Variants in SIK2 observed in about 807,000 individuals in gnomAD.
SIK2 encodes the protein salt inducible kinase 2.
SIK2 carries 29 observed loss-of-function variants against 103.2 expected under a neutral mutation model. The ratio of observed to expected loss-of-function variants is 0.28; its 90% CI spans 0.21 to 0.38. The LOEUF (loss-of-function observed/expected upper bound fraction) is 0.38. Ranked by LOEUF, SIK2 falls within the 10% of genes least tolerant of loss-of-function variation. The probability of loss-of-function intolerance (pLI) is 1.00; values close to 1 mark genes in which losing one functional copy is unlikely to be tolerated. For synonymous variants in SIK2, 412 were observed against 446.1 expected (o/e 0.92, Z 0.96); for missense variants, 879 against 1,171.0 (o/e 0.75, Z 3.64).
rs778349552 is a variant in SIK2 at position 111,712,271 on chromosome 11, G to A, written c.1162G>A (p.Ala388Thr). Residue 388 changes from alanine (A) to threonine (T), a missense_variant, in exon 9 of 15, where the codon GCC becomes ACC. Ala to Thr is a moderately conservative substitution (Grantham distance 58, BLOSUM62 0). Transcript: ENST00000304987. ...HSPNMRLLRS[A>T]LLPQASNVEA... ...ACCGAACATGAGGCTGCTGCGATCTGCCCTCCTCCCCCAGGCATCCAACGT... is the reference window on the plus strand; with the variant it reads ...ACCGAACATGAGGCTGCTGCGATCTACCCTCCTCCCCCAGGCATCCAACGT... 1 of 1,614,178 alleles carries A rather than the reference G, an allele frequency of 6.2e-7. No individual in the cohort carries two copies. The highest frequency in any genetic ancestry group is 1.1e-5 in the South Asian group (1 of 91,082).
chr11:111,651,158 A>G lies in SIK2; in HGVS notation c.316+30756A>G, dbSNP rs542068604. ...ACTAAGGTAAAATTAACCAAAAGTA[A>G]TTTAAATTTCAGTTATTAGTGTAGC... On this transcript the variant is annotated intron_variant, in intron 3 of 14. Coordinates refer to ENST00000304987, the MANE Select transcript of SIK2 (RefSeq NM_015191.3). Among the ~76,000 whole-genome samples, 6 of 152,314 alleles carry G rather than the reference A, an allele frequency of 3.9e-5. No homozygotes were observed. In the South Asian group the frequency reaches 1.2e-3, roughly 32 times the overall value.
rs1227403017 is a variant in SIK2 at position 111,692,512 on chromosome 11, A to G, written c.478+4350A>G. On this transcript the variant is annotated intron_variant, in intron 4 of 14. Coordinates refer to ENST00000304987, the MANE Select transcript of SIK2 (RefSeq NM_015191.3). ...CGAATTGGAGTGGTAAGGAAACTGC[A>G]GGTATTAGCCAGTGAGAATGATAGG... is the stretch of plus-strand genomic sequence containing the variant. 2.0e-5 allele frequency among the ~76,000 whole-genome samples: 3 copies of G among 152,146 alleles called. No homozygotes were observed. The East Asian group carries it at 5.8e-4, about 29-fold the overall frequency.
At chr11:111,681,164 A>G (rs1379023403) in intron 3 of SIK2, among the ~76,000 whole-genome samples, 2 of 152,250 alleles carry the variant, frequency 1.3e-5, no homozygotes, top group Admixed American at 6.5e-5. Context: ...TAAGGAATGA[A>G]TGAAATCTCC....
chr11:111,710,127 G>A (rs1943457732), intron 8 of SIK2, among the ~76,000 whole-genome samples: 1 of 152,186 alleles, frequency 6.6e-6, no homozygotes, highest in Non-Finnish European at 1.5e-5. Context: ...GGGGTAAGAA[G>A]AATGTAGCAA....
chr11:111,626,795 T>G (rs1438271968), intron 3 of SIK2, among the ~76,000 whole-genome samples: 1 of 152,102 alleles, frequency 6.6e-6, no homozygotes, highest in Non-Finnish European at 1.5e-5. Context: ...CTGTACTCTG[T>G]TATCATGTAC....
At chr11:111,721,160 C>A (rs1565395482) in intron 12 of SIK2, 98 bp downstream of exon 12, 1 of 1,395,036 alleles carries the variant, frequency 7.2e-7, no homozygotes, top group Non-Finnish European at 9.6e-7. Context: ...TCCTCCAGTC[C>A]TGGAGCAAAC....
intron 1 of SIK2, among the ~76,000 whole-genome samples, chr11:111,609,867 G>A (rs1038073706): frequency 2.6e-5 from 4 of 152,138 alleles, no homozygotes; most frequent in African/African-American, 7.2e-5. Context: ...GCTGAAAGTT[G>A]TATTTATTTT....
In SIK2 at chr11:111,730,142, T is replaced by C. The variant is rs1256672561; in HGVS notation, c.*6013T>C. ...AAAGTAATAACAGACTTTGACTTAATACTCTGTCTTTTCAGAGGCAAAGTG... is the reference window on the plus strand; with the variant it reads ...AAAGTAATAACAGACTTTGACTTAACACTCTGTCTTTTCAGAGGCAAAGTG... On this transcript the variant is annotated 3_prime_UTR_variant, in exon 15 of 15. Coordinates refer to ENST00000304987, the MANE Select transcript of SIK2 (RefSeq NM_015191.3). 3.3e-5 allele frequency: 5 copies of C among 152,236 alleles called. No homozygotes were observed. The highest frequency in any genetic ancestry group is 7.3e-5 in the Non-Finnish European group (5 of 68,042). 9.4% of individuals were successfully genotyped at this position (152,236 alleles called of 1,614,324 possible). A position where few individuals can be genotyped will look rare whatever the true frequency, so the allele number is the denominator to read the frequency against.
At chr11:111,604,373 C>T (rs1183437519) in intron 1 of SIK2, among the ~76,000 whole-genome samples, 1 of 152,174 alleles carries the variant, frequency 6.6e-6, no homozygotes, top group African/African-American at 2.4e-5. Context: ...TGTAGTATAT[C>T]GTGTGGTTGA....
At chr11:111,603,338 A>G (rs539737996) in intron 1 of SIK2, among the ~76,000 whole-genome samples, 88 of 152,094 alleles carry the variant, frequency 5.8e-4, no homozygotes, top group African/African-American at 2.1e-3. Flanking sequence ...GGGCATTTCC[A>G]TTTAATGCCC....
intron 3 of SIK2, among the ~76,000 whole-genome samples, chr11:111,673,534 G>A (rs537884674): frequency 5.9e-5 from 9 of 152,036 alleles, no homozygotes; most frequent in African/African-American, 1.7e-4. Flanking sequence ...CTGTTCTGGC[G>A]TCTAGCAATC....
At chr11:111,679,109 G>A (rs1280708076) in intron 3 of SIK2, among the ~76,000 whole-genome samples, 2 of 152,148 alleles carry the variant, frequency 1.3e-5, no homozygotes, top group African/African-American at 4.8e-5. Context: ...TTTTATTAAA[G>A]ATGTGGAAAA....
At chr11:111,622,520 C>T (rs1253144299) in intron 3 of SIK2, among the ~76,000 whole-genome samples, 1 of 152,228 alleles carries the variant, frequency 6.6e-6, no homozygotes, top group African/African-American at 2.4e-5. Context: ...TCCCAAAGTG[C>T]TGGGATTACA....
At chr11:111,675,062 A>G (rs966295082) in intron 3 of SIK2, among the ~76,000 whole-genome samples, 2 of 152,098 alleles carry the variant, frequency 1.3e-5, no homozygotes, top group African/African-American at 4.8e-5. Context: ...TACTGTGATA[A>G]TGTTACATAA....
chr11:111,614,913 C>T lies in SIK2; in HGVS notation c.136-1330C>T, dbSNP rs142315132. Reference sequence around the variant, plus strand: ...CAGCACTTTGGGAGGTCGAGGTGGGCGGATCACCTGAAGTGAGGAGTTCAA... The same window carrying T: ...CAGCACTTTGGGAGGTCGAGGTGGGTGGATCACCTGAAGTGAGGAGTTCAA... On this transcript the variant is annotated intron_variant, in intron 1 of 14. Transcript: ENST00000304987. 6.2e-3 allele frequency among the ~76,000 whole-genome samples: 944 copies of T among 151,304 alleles called. 10 individuals are homozygous for T. The highest frequency in any genetic ancestry group is 0.021 in the African/African-American group (870 of 41,198).
intron 4 of SIK2, among the ~76,000 whole-genome samples, chr11:111,691,718 C>T (rs1942946144): frequency 6.6e-6 from 1 of 152,162 alleles, no homozygotes; most frequent in Non-Finnish European, 1.5e-5. Context: ...AATTTTCTTG[C>T]CCACACTTAA....
At position 111,688,242 on chromosome 11, in the gene SIK2, A is replaced by G; in HGVS notation, c.478+80A>G. ...TGTGTGGAAACAGACCTGCAGGCGC[A>G]GATTCAGCAGCATTTCTACCTGATG... On this transcript the variant is annotated intron_variant, in intron 4 of 14. Coordinates refer to ENST00000304987, the MANE Select transcript of SIK2 (RefSeq NM_015191.3). This position sits in a 1 kb window ranked among gnomAD's most constrained non-coding sequence, Gnocchi z 4.2. The G allele has an allele frequency of 7.8e-6, 11 of 1,410,746 alleles. No individual in the cohort carries two copies. Among genetic ancestry groups the G allele is most frequent in the Non-Finnish European group, 1.1e-5 (11 of 1,007,098 alleles). 87.4% of individuals were successfully genotyped at this position (1,410,746 alleles called of 1,614,324 possible).
rs944557974 is a variant in SIK2, at chr11:111,724,054, G to C, written c.2706G>C (p.Glu902Asp). 5 of 1,614,102 alleles carry C rather than the reference G, an allele frequency of 3.1e-6. No individual in the cohort carries two copies. The highest frequency in any genetic ancestry group is 4.2e-6 in the Non-Finnish European group (5 of 1,180,046). ...GCTACGACCCACTAGCCCTCTCTGA[G>C]CTACCTGGACTCTTTGATTGTGAAA... The part of the protein sequence containing the change: ...PSSYDPLALS[E>D]LPGLFDCEML... The change falls in exon 15 of 15, where the codon GAG (glutamate) becomes GAC (aspartate). Residue 902 changes from glutamate (E) to aspartate (D), a missense_variant. This residue lies in a region of SIK2 where 375 missense variants were observed against 416.3 expected (regional missense o/e 0.90). Transcript: ENST00000304987.
intron 3 of SIK2, among the ~76,000 whole-genome samples, chr11:111,629,748 A>G (rs548954883): frequency 6.6e-6 from 1 of 152,342 alleles, no homozygotes; most frequent in South Asian, 2.1e-4. Flanking sequence ...AGAGAAATGC[A>G]AATTAAAAAC....
Sources: allele counts gnomAD v4.1 joint callset (sites outside exome capture counted in the v4.1 genomes callset), GRCh38; gene constraint gnomAD v4.1.1; regional missense constraint gnomAD v4.1.1; non-coding constraint Gnocchi (gnomAD v3.1); transcripts MANE v1.5; gene names NCBI Gene and HGNC (gene_info 2026-07-23, HGNC 2026-07-21).